The following SESTD1 variants were observed in gnomAD, a reference collection of about 807,000 sequenced individuals.
SESTD1 encodes SEC14 and spectrin domain containing 1.
A neutral mutation model predicts 101.7 loss-of-function variants in SESTD1; 43 were observed. That is an observed-to-expected ratio of 0.42 (90% CI 0.33 to 0.55). The LOEUF is 0.55. SESTD1 is among the 20% of genes least tolerant of loss of function. The pLI, the probability that SESTD1 is intolerant of heterozygous loss-of-function variation, is 0.07. For missense variants in SESTD1, 647 were observed against 815.1 expected (o/e 0.79, Z 2.51); for synonymous variants, 283 against 286.8 (o/e 0.99, Z 0.13).
At chr2:179,228,141 C>T (rs1348517970) in intron 1 of SESTD1, among the ~76,000 whole-genome samples, 1 of 152,148 alleles carries the variant, frequency 6.6e-6, no homozygotes, top group East Asian at 1.9e-4. Context: ...GACCCTCACA[C>T]TGTGTAAGTA....
At chr2:179,135,242 C>A (rs1248107005) in intron 9 of SESTD1, among the ~76,000 whole-genome samples, 1 of 152,088 alleles carries the variant, frequency 6.6e-6, no homozygotes, top group Non-Finnish European at 1.5e-5. Flanking sequence ...CGCCCCCCGG[C>A]CCAAACTGAC....
chr2:179,136,747 A>G (rs1440607723), intron 9 of SESTD1, among the ~76,000 whole-genome samples: 1 of 152,232 alleles, frequency 6.6e-6, no homozygotes, highest in Non-Finnish European at 1.5e-5. Context: ...AAACAAAAGA[A>G]GCAGGTTAAT....
chr2:179,244,321 T>C (rs1263318281), intron 1 of SESTD1, among the ~76,000 whole-genome samples: 1 of 151,782 alleles, frequency 6.6e-6, no homozygotes, highest in Admixed American at 6.6e-5. Context: ...TAGCCAGGCA[T>C]GATGGCCCAC....
intron 4 of SESTD1, among the ~76,000 whole-genome samples, chr2:179,173,907 TATA>T (rs553872315): frequency 6.6e-6 from 1 of 152,088 alleles, no homozygotes; most frequent in African/African-American, 2.4e-5. Flanking sequence ...ACTGAATAAT[TATA>T]ATAATAATTA....
chr2:179,104,655 G>T lies in SESTD1; in HGVS notation c.*5244C>A, dbSNP rs2044341816. ...CTGGAGTTCAATAGCCCTTTTGTCA[G>T]AAAGTTTTCTACATGCCTAACTTAA... On this transcript the variant is annotated 3_prime_UTR_variant, in exon 18 of 18. Coordinates refer to ENST00000428443, the MANE Select transcript of SESTD1 (RefSeq NM_178123.5). The T allele has an allele frequency of 1.3e-5, 2 of 152,080 alleles. No homozygotes were observed. Among genetic ancestry groups the T allele is most frequent in the Admixed American group, 1.3e-4 (2 of 15,246 alleles). 9.4% of individuals were successfully genotyped at this position (152,080 alleles called of 1,614,324 possible).
At chr2:179,126,011 G>A (rs576883112) in intron 10 of SESTD1, among the ~76,000 whole-genome samples, 1 of 152,152 alleles carries the variant, frequency 6.6e-6, no homozygotes, top group South Asian at 2.1e-4. Context: ...TATCTTCTCT[G>A]TCTCCCATCA....
intron 9 of SESTD1, among the ~76,000 whole-genome samples, chr2:179,133,240 A>AC (rs1459092987): frequency 6.6e-6 from 1 of 152,128 alleles, no homozygotes; most frequent in Non-Finnish European, 1.5e-5. Flanking sequence ...AAAACATGAT[A>AC]CCCCACAGGA....
Position 179,229,813 on chromosome 2 carries a change from AC to A in SESTD1, c.-26+34685del, listed in dbSNP as rs1559153201. 1.6e-3 allele frequency among the ~76,000 whole-genome samples: 221 copies of A among 138,132 alleles called. 1 individual carries two copies. Among genetic ancestry groups the A allele is most frequent in the African/African-American group, 5.6e-3 (209 of 37,082 alleles). The allele number at this position is 138,132 out of a possible 152,430, so 90.6% of individuals were successfully genotyped here. The stretch of plus-strand genomic sequence containing the variant: ...CACACACACACACACACACACACAC[AC>A]ACAACCCTACTTGAGAAACACAAAA... On this transcript the variant is annotated intron_variant, in intron 1 of 17. Transcript: ENST00000428443.
chr2:179,115,174 C>A lies in SESTD1; in HGVS notation c.1730G>T (p.Gly577Val), dbSNP rs755373339. Reference sequence around the variant, plus strand: ...TCTGTTCAGTCGAGGAAGTGTATCCCCAGATGACCGAGAAGTGCAGCGCAA... The same window carrying A: ...TCTGTTCAGTCGAGGAAGTGTATCCACAGATGACCGAGAAGTGCAGCGCAA... ...QSLRCTSRSS[G>V]DTLPRLNRVW... Residue 577 changes from glycine (G) to valine (V), a missense_variant, in exon 16 of 18, where the codon GGG becomes GTG. This residue lies in a region of SESTD1 where 476 missense variants were observed against 562.6 expected (regional missense o/e 0.85). Coordinates refer to ENST00000428443, the MANE Select transcript of SESTD1 (RefSeq NM_178123.5). 6.2e-7 allele frequency: 1 copy of A among 1,613,832 alleles called. No individual in the cohort carries two copies. The highest frequency in any genetic ancestry group is 1.1e-5 in the South Asian group (1 of 91,028).
Position 179,237,939 on chromosome 2 carries a change from A to G in SESTD1, c.-26+26560T>C, listed in dbSNP as rs543871245. On this transcript the variant is annotated intron_variant, in intron 1 of 17. Transcript: ENST00000428443. Reference sequence around the variant, plus strand: ...GGGATTATGGGCACCTGCCCTCCACATAGTCAAAAATCCACATGTAACTTC... The same window carrying G: ...GGGATTATGGGCACCTGCCCTCCACGTAGTCAAAAATCCACATGTAACTTC... 2.6e-5 allele frequency among the ~76,000 whole-genome samples: 4 copies of G among 152,330 alleles called. No homozygotes were observed. The East Asian group carries it at 7.7e-4, about 29-fold the overall frequency.
intron 9 of SESTD1, among the ~76,000 whole-genome samples, chr2:179,134,313 T>G (rs910398161): frequency 6.6e-6 from 1 of 152,238 alleles, no homozygotes; most frequent in African/African-American, 2.4e-5. Flanking sequence ...AATACTTTAA[T>G]GATTTTTCCA....
intron 1 of SESTD1, among the ~76,000 whole-genome samples, chr2:179,218,921 T>C (rs2046764650): frequency 6.6e-6 from 1 of 152,158 alleles, no homozygotes. Context: ...GATGAATTAA[T>C]GGATAAATGA....
At chr2:179,241,998 A>G (rs973953496) in intron 1 of SESTD1, among the ~76,000 whole-genome samples, 2 of 152,028 alleles carry the variant, frequency 1.3e-5, no homozygotes, top group Admixed American at 6.6e-5. Flanking sequence ...AAGAAATAAG[A>G]GGCATATATG....
rs1231808223 is a variant in SESTD1 at position 179,196,998 on chromosome 2, T to C, written c.-25-5132A>G. On this transcript the variant is annotated intron_variant, in intron 1 of 17. Coordinates refer to ENST00000428443, the MANE Select transcript of SESTD1 (RefSeq NM_178123.5). ...GCTGAGAGAAGAAGGCTTCAGACGA[T>C]CAAATTTCTCTGTACCTACGGGAGG... is the stretch of plus-strand genomic sequence containing the variant. Among the ~76,000 whole-genome samples, 10 of 152,274 alleles carry C rather than the reference T, an allele frequency of 6.6e-5. 1 individual carries two copies. The South Asian group carries it at 1.7e-3, about 25-fold the overall frequency.
At chr2:179,220,160 C>T (rs1250650401) in intron 1 of SESTD1, among the ~76,000 whole-genome samples, 1 of 152,114 alleles carries the variant, frequency 6.6e-6, no homozygotes, top group African/African-American at 2.4e-5. Flanking sequence ...TCAAAAACTA[C>T]AATATAAGCC....
At chr2:179,250,972 C>A (rs1221084179) in intron 1 of SESTD1, among the ~76,000 whole-genome samples, 1 of 152,150 alleles carries the variant, frequency 6.6e-6, no homozygotes, top group East Asian at 1.9e-4. Flanking sequence ...AAAACCTATA[C>A]ATGAACATTT....
chr2:179,131,002 C>T (rs1013110658), intron 10 of SESTD1, among the ~76,000 whole-genome samples: 5 of 151,882 alleles, frequency 3.3e-5, no homozygotes, highest in African/African-American at 1.2e-4. Context: ...TAAAATAAAT[C>T]GATTTTCAAT....
chr2:179,249,650 G>GA (rs1282585784), intron 1 of SESTD1, among the ~76,000 whole-genome samples: 1 of 151,756 alleles, frequency 6.6e-6, no homozygotes, highest in African/African-American at 2.4e-5. Flanking sequence ...TGTAAATACA[G>GA]AAAAAAATTA....
At chr2:179,238,977 C>T (rs908554542) in intron 1 of SESTD1, among the ~76,000 whole-genome samples, 4 of 152,290 alleles carry the variant, frequency 2.6e-5, no homozygotes, top group East Asian at 1.9e-4. Context: ...CAAATGTTTA[C>T]ACCAGTTTTA....
Sources: gnomAD v4.1 joint callset for allele counts (sites outside exome capture counted in the v4.1 genomes callset) on GRCh38, gnomAD v4.1.1 for gene constraint, gnomAD v4.1.1 regional missense constraint, MANE v1.5 for transcripts, NCBI Gene and HGNC (gene_info 2026-07-23, HGNC 2026-07-21) for gene names.